Variants in LTBP1 observed in about 807,000 individuals in gnomAD.
LTBP1 encodes latent transforming growth factor beta binding protein 1, also known as latent-transforming growth factor beta-binding protein 1.
Under a neutral mutation model 207.6 loss-of-function variants are expected in LTBP1, and 129 were observed. That is an observed-to-expected ratio of 0.62 (90% CI 0.54 to 0.72). The LOEUF is 0.72. Ranked by LOEUF, LTBP1 falls within the 30% of genes least tolerant of loss-of-function variation. LTBP1 has a pLI of 0.00. For synonymous variants in LTBP1, 963 were observed against 833.7 expected (o/e 1.16, Z -2.67); for missense variants, 2,281 against 2,217.2 (o/e 1.03, Z -0.58).
At chr2:33,299,978 TG>T (rs2093953047) in intron 20 of LTBP1, among the ~76,000 whole-genome samples, 1 of 152,258 alleles carries the variant, frequency 6.6e-6, no homozygotes, top group Non-Finnish European at 1.5e-5. Flanking sequence ...TACAACTGTT[TG>T]GCCTTATAGT....
At chr2:33,194,420 G>A (rs2088300966) in intron 7 of LTBP1, among the ~76,000 whole-genome samples, 1 of 152,318 alleles carries the variant, frequency 6.6e-6, no homozygotes, top group Non-Finnish European at 1.5e-5. Context: ...AGTTCTTGAA[G>A]GAAATTAAAA....
At chr2:33,052,201 A>G (rs920258043) in intron 3 of LTBP1, among the ~76,000 whole-genome samples, 8 of 152,238 alleles carry the variant, frequency 5.3e-5, no homozygotes, top group Non-Finnish European at 7.3e-5. Flanking sequence ...GACCGTTGCT[A>G]TGGGAAAAAC....
At chr2:33,301,782 C>A (rs73925010) in intron 22 of LTBP1, 138 bp downstream of exon 22, 1 of 679,346 alleles carries the variant, frequency 1.5e-6, no homozygotes, top group Non-Finnish European at 2.3e-6. Flanking sequence ...GTGTCTTCCC[C>A]GGGGTCACAC....
intron 3 of LTBP1, among the ~76,000 whole-genome samples, chr2:33,049,282 G>A (rs897958051): frequency 2.0e-5 from 3 of 152,174 alleles, no homozygotes; most frequent in African/African-American, 7.2e-5. Context: ...CAATAAGTTT[G>A]TAAGACCAAT....
intron 5 of LTBP1, among the ~76,000 whole-genome samples, chr2:33,183,938 C>T (rs1415990274): frequency 2.0e-5 from 3 of 152,110 alleles, no homozygotes; most frequent in African/African-American, 4.8e-5. Flanking sequence ...AAGAAAGTTT[C>T]TGGGTTGTCA....
intron 3 of LTBP1, among the ~76,000 whole-genome samples, chr2:33,034,289 T>C (rs17396703): frequency 0.1 from 15,524 of 151,088 alleles, 889 homozygotes; most frequent in Non-Finnish European, 0.12. Context: ...TAAGTGCAAA[T>C]GAAAAAGAAT....
chr2:33,254,859 T>TTG (rs2092797895), intron 11 of LTBP1, among the ~76,000 whole-genome samples: 2 of 94,844 alleles, frequency 2.1e-5, no homozygotes, highest in Non-Finnish European at 4.0e-5. Flanking sequence ...TTGGTTTTTT[T>TTG]TTTTTTTTTT....
intron 22 of LTBP1, among the ~76,000 whole-genome samples, chr2:33,303,962 A>T (rs2094041838): frequency 6.6e-6 from 1 of 152,134 alleles, no homozygotes; most frequent in South Asian, 2.1e-4. Flanking sequence ...TGCACCATTG[A>T]TTAAGTCTTG....
At chr2:33,397,068 A>G in intron 32 of LTBP1, 65 bp from the exon 33 acceptor site, 1 of 1,472,572 alleles carries the variant, frequency 6.8e-7, no homozygotes, top group Non-Finnish European at 9.3e-7. Flanking sequence ...TCATCTAAAT[A>G]TCATTTACAA....
intron 31 of LTBP1, among the ~76,000 whole-genome samples, chr2:33,367,739 G>A (rs1424591024): frequency 6.6e-6 from 1 of 152,104 alleles, no homozygotes; most frequent in Non-Finnish European, 1.5e-5. Flanking sequence ...TCTTACTGAG[G>A]CATTCCTACA....
chr2:33,257,466 C>T lies in LTBP1; in HGVS notation c.2350C>T (p.Leu784=), dbSNP rs1243137141. The change falls in exon 12 of 34, where the codon CTG becomes TTG. Residue 784 remains leucine (L), a synonymous_variant. Transcript: ENST00000404816. The stretch of plus-strand genomic sequence containing the variant: ...AGCCAAGGAAGAGCCAGTGGAGGCC[C>T]TGACCTTCTCCCGGGAACACGGGCC... ...LPAKEEPVEA[L]TFSREHGPGV... 1 of 1,614,214 alleles carries T rather than the reference C, an allele frequency of 6.2e-7. No individual in the cohort carries two copies. Among genetic ancestry groups the T allele is most frequent in the East Asian group, 2.2e-5 (1 of 44,888 alleles).
chr2:33,051,119 T>TA (rs1387199899), intron 3 of LTBP1, among the ~76,000 whole-genome samples: 1 of 152,144 alleles, frequency 6.6e-6, no homozygotes, highest in Non-Finnish European at 1.5e-5. Flanking sequence ...GGAAGTGCTG[T>TA]AAAAACTATA....
intron 32 of LTBP1, among the ~76,000 whole-genome samples, chr2:33,392,754 T>TA (rs1238693574): frequency 6.6e-6 from 1 of 152,132 alleles, no homozygotes; most frequent in Non-Finnish European, 1.5e-5. Context: ...TCTGTAATAA[T>TA]AAAAAAGGTA....
At position 33,134,974 on chromosome 2, in the gene LTBP1, C is replaced by T. The variant is rs919929049; in HGVS notation, c.1201+14C>T. 11 of 1,594,516 alleles carry T rather than the reference C, an allele frequency of 6.9e-6. No individual in the cohort carries two copies. The highest frequency in any genetic ancestry group is 8.5e-6 in the Non-Finnish European group (10 of 1,170,208). On this transcript the variant is annotated intron_variant, in intron 5 of 33. Transcript: ENST00000404816. This position sits in a 1 kb window ranked among gnomAD's most constrained non-coding sequence, Gnocchi z 4.4. Reference sequence around the variant, plus strand: ...ACTTCCGAGTGGGTGAGTTCCTCCACGGTCCCTAACTGTCCTTACTGAGTC... The same window carrying T: ...ACTTCCGAGTGGGTGAGTTCCTCCATGGTCCCTAACTGTCCTTACTGAGTC...
At chr2:33,147,493 A>G (rs1354420354) in intron 5 of LTBP1, among the ~76,000 whole-genome samples, 3 of 152,234 alleles carry the variant, frequency 2.0e-5, no homozygotes, top group South Asian at 2.1e-4. Context: ...TGATAAAGCT[A>G]TGTCATCAAT....
At chr2:33,262,877 C>T (rs866599255) in intron 14 of LTBP1, 56 bp downstream of exon 14, 102 of 1,321,422 alleles carry the variant, frequency 7.7e-5, no homozygotes, top group African/African-American at 4.3e-4. Flanking sequence ...AAATGTAAGA[C>T]GGGAAATTTT....
At position 33,275,038 on chromosome 2, in the gene LTBP1, G is replaced by T. The variant is rs187731395; in HGVS notation, c.2817G>T (p.Leu939Phe). 1 of 1,614,096 alleles carries T rather than the reference G, an allele frequency of 6.2e-7. No individual in the cohort carries two copies. The highest frequency in any genetic ancestry group is 1.7e-5 in the Admixed American group (1 of 60,020). The change falls in exon 17 of 34, where the codon TTG (leucine) becomes TTT (phenylalanine). Residue 939 changes from leucine (L) to phenylalanine (F), a missense_variant. By Grantham distance (22) the Leu-to-Phe change is conservative (BLOSUM62 0). Around this residue, in one of 3 missense-constraint regions of LTBP1, gnomAD observed 1,671 missense variants for 1,634.8 expected, o/e 1.02. Coordinates refer to ENST00000404816, the MANE Select transcript of LTBP1 (RefSeq NM_206943.4). ...GRCENTEGSFLCICPAGFMAS... is the reference protein window; with the variant it reads ...GRCENTEGSFFCICPAGFMAS... ...GTGAAAACACCGAGGGAAGTTTCTT[G>T]TGCATTTGCCCAGCAGGATTTATGG...
At chr2:33,030,716 A>G (rs1313637848) in intron 3 of LTBP1, among the ~76,000 whole-genome samples, 2 of 152,224 alleles carry the variant, frequency 1.3e-5, no homozygotes, top group Non-Finnish European at 2.9e-5. Flanking sequence ...CAGTGGCATT[A>G]TGTTTATTAG....
chr2:33,190,346 G>T (rs1013108647), intron 7 of LTBP1, among the ~76,000 whole-genome samples: 2 of 152,124 alleles, frequency 1.3e-5, no homozygotes, highest in African/African-American at 4.8e-5. Flanking sequence ...TATCGTGTGT[G>T]TGTGTATATG....
Sources: gnomAD v4.1 joint callset for allele counts (sites outside exome capture counted in the v4.1 genomes callset) on GRCh38, gnomAD v4.1.1 for gene constraint, gnomAD v4.1.1 regional missense constraint, Gnocchi (gnomAD v3.1) non-coding constraint, MANE v1.5 for transcripts, NCBI Gene and HGNC (gene_info 2026-07-23, HGNC 2026-07-21) for gene names.